Variants in HOATZ observed in about 807,000 individuals in gnomAD.
The protein encoded by HOATZ is HOATZ cilia and flagella associated protein.
Under a neutral mutation model 24.9 loss-of-function variants are expected in HOATZ, and 26 were observed. That is an observed-to-expected ratio of 1.04 (90% CI 0.76 to 1.45). HOATZ has a LOEUF of 1.45. Among genes scored for constraint, HOATZ ranks in the 40% most tolerant of loss-of-function variants. The probability of loss-of-function intolerance (pLI) is 0.00; values close to 1 mark genes in which losing one functional copy is unlikely to be tolerated. For missense variants in HOATZ, 226 were observed against 201.5 expected, an observed-to-expected ratio of 1.12 and a Z score of -0.74; for synonymous variants, 83 against 76.6, an observed-to-expected ratio of 1.08 and a Z score of -0.43.
intron 3 of HOATZ, among the ~76,000 whole-genome samples, chr11:111,519,589 G>T (rs113093057): frequency 6.6e-6 from 1 of 152,154 alleles, no homozygotes; most frequent in East Asian, 1.9e-4. Flanking sequence ...TTCCTAAATC[G>T]ATAATGTTGT....
At chr11:111,527,647 A>C (rs1011735517) in intron 3 of HOATZ, among the ~76,000 whole-genome samples, 2 of 152,250 alleles carry the variant, frequency 1.3e-5, no homozygotes, top group Non-Finnish European at 2.9e-5. Flanking sequence ...TTTGAGGTCC[A>C]ACAGTTCTGT....
intron 3 of HOATZ, chr11:111,524,933 C>T (rs1867318512): frequency 2.3e-6 from 1 of 438,082 alleles, no homozygotes; most frequent in Admixed American, 2.5e-5. Context: ...ATGATCATGG[C>T]TCACTGCAGC....
chr11:111,530,685 A>G (rs1249164497), intron 3 of HOATZ, among the ~76,000 whole-genome samples: 3 of 152,196 alleles, frequency 2.0e-5, no homozygotes, highest in Admixed American at 6.5e-5. Context: ...AATTCCATTA[A>G]TAAGCCCAAC....
intron 5 of HOATZ, chr11:111,534,764 C>G: frequency 3.3e-6 from 1 of 301,802 alleles, no homozygotes; most frequent in Non-Finnish European, 6.2e-6. Context: ...AATCACCCAT[C>G]ATCATGCCCT....
chr11:111,515,975 T>C, intron 2 of HOATZ, 65 bp from the exon 3 acceptor site: 2 of 1,099,396 alleles, frequency 1.8e-6, no homozygotes, highest in Non-Finnish European at 2.7e-6. Flanking sequence ...TCCAATTTTA[T>C]ATCAATTTTA....
intron 3 of HOATZ, 32 bp from the exon 4 acceptor site, chr11:111,533,714 C>G (rs761358403): frequency 1.3e-6 from 2 of 1,507,822 alleles, no homozygotes; most frequent in East Asian, 2.3e-5. Context: ...ATTATTGAAT[C>G]GAGACACCCA....
At chr11:111,533,885 G>T in intron 4 of HOATZ, 80 bp downstream of exon 4, 4 of 1,003,996 alleles carry the variant, frequency 4.0e-6, no homozygotes, top group South Asian at 1.8e-5. Context: ...TTTATAGATT[G>T]AACCCTTAAA....
In HOATZ at chr11:111,516,095, A is replaced by G. The variant is rs1867194961; in HGVS notation, c.324A>G (p.Val108=). Residue 108 remains valine, a synonymous_variant, in exon 3 of 6, where the codon GTA becomes GTG. Transcript: ENST00000375618. ...ALKIQESEEK[V]KYLQKAKTRE... is the part of the protein sequence containing the mutation. ...AGATACAGGAATCTGAGGAGAAAGT[A>G]AAGTATCTCCAAAAGGTAGGCCAAT... The G allele has an allele frequency of 6.3e-7, 1 of 1,592,782 alleles. No homozygotes were observed. The highest frequency in any genetic ancestry group is 8.6e-7 in the Non-Finnish European group (1 of 1,166,338).
chr11:111,516,209 T>C, intron 3 of HOATZ, 99 bp downstream of exon 3: 2 of 669,874 alleles, frequency 3.0e-6, no homozygotes. Context: ...CTACTTCTAG[T>C]GCATCAGCTT....
At chr11:111,528,370 A>T (rs182108273) in intron 3 of HOATZ, among the ~76,000 whole-genome samples, 235 of 152,322 alleles carry the variant, frequency 1.5e-3, no homozygotes, top group African/African-American at 5.4e-3. Flanking sequence ...TGGAGGCTCA[A>T]GGAAATAAAA....
rs531824718 is a variant in HOATZ, at chr11:111,527,346, AT to A, written c.340-6392del. Among the ~76,000 whole-genome samples the A allele has an allele frequency of 3.9e-5, 6 of 152,014 alleles. No homozygotes were observed. The South Asian group carries it at 6.2e-4, about 16-fold the overall frequency. ...TTGACTCCCTCTTATATAATGACTA[AT>A]TTTTTTTCTCATTTTAGTAAGTTGT... is the stretch of plus-strand genomic sequence containing the variant. On this transcript the variant is annotated intron_variant, in intron 3 of 5. Coordinates refer to ENST00000375618, the MANE Select transcript of HOATZ (RefSeq NM_001100388.2).
At chr11:111,533,636 AT>A (rs1470000825) in intron 3 of HOATZ, 109 bp from the exon 4 acceptor site, 1 of 713,120 alleles carries the variant, frequency 1.4e-6, no homozygotes, top group African/African-American at 1.9e-5. Flanking sequence ...TTAGGAAAAA[AT>A]ATTTTAAAAT....
rs11213932 is a variant in HOATZ at position 111,515,664 on chromosome 11, C to T, written c.268+112C>T. 8,796 of 897,990 alleles carry T rather than the reference C, an allele frequency of 9.8e-3. 507 individuals carry two copies. The African/African-American group carries it at 0.12, about 13-fold the overall frequency. The allele number at this position is 897,990 out of a possible 1,614,324, so 55.6% of individuals were successfully genotyped here. A position where few individuals can be genotyped will look rare whatever the true frequency, so the allele number is the denominator to read the frequency against. ...CTGTGGTATAACTTTCTGAATTGAA[C>T]ACCTAAGTCCCTGCTCAGGGACCAC... On this transcript the variant is annotated intron_variant, in intron 2 of 5. Coordinates refer to ENST00000375618, the MANE Select transcript of HOATZ (RefSeq NM_001100388.2).
chr11:111,529,467 G>A (rs1226478522), intron 3 of HOATZ, among the ~76,000 whole-genome samples: 3 of 152,002 alleles, frequency 2.0e-5, no homozygotes, highest in Non-Finnish European at 4.4e-5. Flanking sequence ...GGGTTCAAGC[G>A]ATTCTCCTGC....
At chr11:111,518,511 G>C (rs1166660102) in intron 3 of HOATZ, among the ~76,000 whole-genome samples, 2 of 152,146 alleles carry the variant, frequency 1.3e-5, no homozygotes, top group African/African-American at 4.8e-5. Flanking sequence ...AGCCCATTAT[G>C]ATTATCACCA....
intron 3 of HOATZ, among the ~76,000 whole-genome samples, chr11:111,527,836 AAT>A (rs1379113801): frequency 1.3e-5 from 2 of 152,232 alleles, no homozygotes; most frequent in East Asian, 3.8e-4. Context: ...ACCAGGCCCA[AAT>A]ATGAGATGTT....
At chr11:111,520,173 TATA>T (rs200585532) in intron 3 of HOATZ, among the ~76,000 whole-genome samples, 3,012 of 152,306 alleles carry the variant, frequency 0.02, 104 homozygotes, top group African/African-American at 0.069. Context: ...CTGAAAATAT[TATA>T]ATAAGTGGAT....
chr11:111,531,314 AATTC>A (rs1293457969), intron 3 of HOATZ, among the ~76,000 whole-genome samples: 32 of 152,156 alleles, frequency 2.1e-4, no homozygotes, highest in Non-Finnish European at 3.7e-4. Flanking sequence ...AATTCAATTC[AATTC>A]AACAAAAATC....
chr11:111,520,629 T>A (rs947097787), intron 3 of HOATZ, among the ~76,000 whole-genome samples: 30 of 152,222 alleles, frequency 2.0e-4, no homozygotes, highest in African/African-American at 7.2e-4. Flanking sequence ...ATGATTTCAC[T>A]TTCCTTGGTT....
Sources: gnomAD v4.1 joint callset for allele counts (sites outside exome capture counted in the v4.1 genomes callset) on GRCh38, gnomAD v4.1.1 for gene constraint, MANE v1.5 for transcripts, NCBI Gene and HGNC (gene_info 2026-07-23, HGNC 2026-07-21) for gene names.